The following EPB41L1 variants were observed in gnomAD, a reference collection of about 807,000 sequenced individuals.
The protein encoded by EPB41L1 is band 4.1-like protein 1.
EPB41L1 carries 29 observed loss-of-function variants against 97.8 expected under a neutral mutation model. The observed-to-expected ratio is 0.30, with a 90% CI of 0.22 to 0.40. The LOEUF is 0.40. EPB41L1 is among the 10% of genes least tolerant of loss of function. The pLI, the probability that EPB41L1 is intolerant of heterozygous loss-of-function variation, is 1.00. For missense variants in EPB41L1, 812 were observed against 1,162.3 expected (o/e 0.70, Z 4.38); for synonymous variants, 383 against 459.2 (o/e 0.83, Z 2.12).
rs1319811360 is a variant in EPB41L1, at chr20:36,093,910, G to A, written c.-65+2298G>A. ...CACCCGTGCAGGGCTCTGGGTGGGT[G>A]GGAAGGTAGGTGGGTAGAAGCTCAG... On this transcript the variant is annotated intron_variant, in intron 1 of 19. Transcript: ENST00000202028. The surrounding 1 kb of genome is among the most constrained non-coding windows in gnomAD (Gnocchi z 5.4). Among the ~76,000 whole-genome samples the A allele has an allele frequency of 6.6e-6, 1 of 152,160 alleles. No homozygotes were observed. Among genetic ancestry groups the A allele is most frequent in the African/African-American group, 2.4e-5 (1 of 41,448 alleles).
At chr20:36,200,750 A>T in intron 14 of EPB41L1, 1 of 386,858 alleles carries the variant, frequency 2.6e-6, no homozygotes, top group Non-Finnish European at 5.2e-6. Context: ...AAGCTGGGCT[A>T]TTTATGGACT....
intron 2 of EPB41L1, among the ~76,000 whole-genome samples, chr20:36,143,095 A>G (rs1457696063): frequency 3.4e-5 from 5 of 147,648 alleles, no homozygotes; most frequent in Non-Finnish European, 7.5e-5. Flanking sequence ...AGGTGTCTGG[A>G]GGTGCAGTCC....
chr20:36,105,367 T>A (rs1042179444), intron 1 of EPB41L1, among the ~76,000 whole-genome samples: 4 of 152,260 alleles, frequency 2.6e-5, no homozygotes, highest in Admixed American at 1.3e-4. Flanking sequence ...TGGCAGCCAT[T>A]CCAGTTCTTG....
Position 36,212,343 on chromosome 20 carries a change from G to A in EPB41L1, c.2151G>A (p.Leu717=), listed in dbSNP as rs759915461. 2 of 1,614,086 alleles carry A rather than the reference G, an allele frequency of 1.2e-6. No homozygotes were observed. The highest frequency in any genetic ancestry group is 2.7e-5 in the African/African-American group (2 of 74,920). ...AGAAGATTGAGCCGGAGGCCGTACT[G>A]CAGACCAGAGTCTCCGCTATGGATA... ...IRKKIEPEAV[L]QTRVSAMDNT... is the part of the protein sequence containing the mutation. Residue 717 remains leucine (L), a synonymous_variant, in exon 16 of 22, where the codon CTG becomes CTA. Transcript: ENST00000338074. The surrounding 1 kb of genome is among the most constrained non-coding windows in gnomAD (Gnocchi z 4.8).
At chr20:36,217,246 G>C (rs2063501689) in intron 17 of EPB41L1, among the ~76,000 whole-genome samples, 2 of 152,220 alleles carry the variant, frequency 1.3e-5, no homozygotes, top group South Asian at 4.1e-4. Context: ...TGGTTTTAAA[G>C]GCCTAGGGTC....
At chr20:36,173,999 CCTCCAGGTCCAGTTCTTAGGG>C in intron 2 of EPB41L1, 45 bp downstream of exon 2, 1 of 1,575,990 alleles carries the variant, frequency 6.3e-7, no homozygotes, top group South Asian at 1.2e-5. Context: ...CCCAGACCGT[CCTCCAGGTCCAGTTCTTAGGG>C]CTCCAGTATT....
At chr20:36,191,173 C>T (rs957604072) in intron 11 of EPB41L1, among the ~76,000 whole-genome samples, 2 of 152,066 alleles carry the variant, frequency 1.3e-5, no homozygotes, top group Non-Finnish European at 1.5e-5. Flanking sequence ...CACCCTCCTC[C>T]CCTGCATCCC....
chr20:36,104,774 T>G (rs2058135898), intron 1 of EPB41L1, among the ~76,000 whole-genome samples: 1 of 152,132 alleles, frequency 6.6e-6, no homozygotes, highest in Non-Finnish European at 1.5e-5. Context: ...TGAATCCACC[T>G]CCCTCATGCC....
intron 1 of EPB41L1, among the ~76,000 whole-genome samples, chr20:36,164,910 T>G (rs952837616): frequency 1.3e-5 from 2 of 152,146 alleles, no homozygotes; most frequent in African/African-American, 4.8e-5. Context: ...GGTCTCGAAC[T>G]CCTGACCTCA....
In EPB41L1 at chr20:36,190,492, C is replaced by A; in HGVS notation, c.1124+118C>A. The stretch of plus-strand genomic sequence containing the variant: ...AGTCCTCCACCCTTTCCCCAAGTCC[C>A]TCCCTTCCTGGACCACTTTGAATTG... On this transcript the variant is annotated intron_variant, in intron 10 of 21. Transcript: ENST00000338074. This position sits in a 1 kb window ranked among gnomAD's most constrained non-coding sequence, Gnocchi z 5.8. 6.5e-7 allele frequency: 1 copy of A among 1,532,322 alleles called. No homozygotes were observed. The highest frequency in any genetic ancestry group is 1.4e-5 in the African/African-American group (1 of 73,312). The allele number at this position is 1,532,322 out of a possible 1,614,324, so 94.9% of individuals were successfully genotyped here.
intron 1 of EPB41L1, chr20:36,155,486 TC>T (rs1048167951): frequency 1.9e-5 from 8 of 421,440 alleles, no homozygotes; most frequent in African/African-American, 1.6e-4. Flanking sequence ...GGCTTGTGTG[TC>T]CCACTTGTGT....
chr20:36,180,763 A>C (rs2061440091), intron 5 of EPB41L1, among the ~76,000 whole-genome samples: 1 of 152,128 alleles, frequency 6.6e-6, no homozygotes, highest in Non-Finnish European at 1.5e-5. Context: ...ATGATTAGCT[A>C]TTATTTATTT....
At chr20:36,196,862 C>T (rs2062229076) in intron 13 of EPB41L1, among the ~76,000 whole-genome samples, 1 of 152,238 alleles carries the variant, frequency 6.6e-6, no homozygotes, top group Admixed American at 6.5e-5. Context: ...AGGTCCCTGC[C>T]AGCTCCTGCA....
At chr20:36,171,378 T>C (rs980843097) in intron 1 of EPB41L1, among the ~76,000 whole-genome samples, 4 of 152,102 alleles carry the variant, frequency 2.6e-5, no homozygotes, top group African/African-American at 7.2e-5. Flanking sequence ...AGAGCCTTTA[T>C]TTAACTATGG....
intron 21 of EPB41L1, among the ~76,000 whole-genome samples, chr20:36,228,053 G>A (rs1474587630): frequency 6.6e-6 from 1 of 152,254 alleles, no homozygotes; most frequent in Non-Finnish European, 1.5e-5. Context: ...GAAGCCTCTG[G>A]GCCTCGGTTT....
At chr20:36,156,100 G>T (rs1413370092) in intron 1 of EPB41L1, among the ~76,000 whole-genome samples, 1 of 152,222 alleles carries the variant, frequency 6.6e-6, no homozygotes, top group Non-Finnish European at 1.5e-5. Context: ...CTGCGGCAGA[G>T]GCAGCCTGTG....
intron 9 of EPB41L1, 108 bp downstream of exon 9, chr20:36,188,607 C>A: frequency 3.6e-6 from 2 of 559,124 alleles, no homozygotes; most frequent in South Asian, 3.2e-5. Context: ...CACACACACA[C>A]ACACACACAC....
At chr20:36,178,118 AC>A in intron 4 of EPB41L1, 62 bp downstream of exon 4, 2 of 1,224,640 alleles carry the variant, frequency 1.6e-6, no homozygotes, top group Non-Finnish European at 2.4e-6. Flanking sequence ...AATCCTGGCC[AC>A]CCCCAACAGC....
chr20:36,121,074 GA>G (rs5841226), intron 2 of EPB41L1, among the ~76,000 whole-genome samples: 84 of 141,708 alleles, frequency 5.9e-4, no homozygotes, highest in Admixed American at 1.1e-3. Flanking sequence ...TGTCTGACAT[GA>G]AAAAAAAAAA....
Sources: allele counts gnomAD v4.1 joint callset (sites outside exome capture counted in the v4.1 genomes callset), GRCh38; gene constraint gnomAD v4.1.1; non-coding constraint Gnocchi (gnomAD v3.1); transcripts MANE v1.5; gene names NCBI Gene and HGNC (gene_info 2026-07-23, HGNC 2026-07-21).